Variants in LARS1 observed in about 807,000 individuals in gnomAD.
LARS1 encodes leucine--tRNA ligase, cytoplasmic.
A neutral mutation model predicts 162.8 loss-of-function variants in LARS1; 100 were observed. The ratio of observed to expected loss-of-function variants is 0.61; its 90% CI spans 0.52 to 0.73. The LOEUF is 0.73. Ranked by LOEUF, LARS1 falls within the 30% of genes least tolerant of loss-of-function variation. The pLI, the probability that LARS1 is intolerant of heterozygous loss-of-function variation, is 0.00. For missense variants in LARS1, 1,258 were observed against 1,408.9 expected (o/e 0.89, Z 1.71); for synonymous variants, 457 against 462.8 (o/e 0.99, Z 0.16).
At chr5:146,114,909 T>C (rs1764132357) in intron 31 of LARS1, among the ~76,000 whole-genome samples, 1 of 151,692 alleles carries the variant, frequency 6.6e-6, no homozygotes, top group South Asian at 2.1e-4. Context: ...CCGGGCATGG[T>C]GGTGCATGCC....
chr5:146,136,562 C>T (rs1009362112), intron 21 of LARS1, among the ~76,000 whole-genome samples: 2 of 151,178 alleles, frequency 1.3e-5, no homozygotes, highest in African/African-American at 2.4e-5. Flanking sequence ...CTCAGTGCAA[C>T]CTCCGCCTCC....
rs1211194759 is a variant in LARS1, at chr5:146,153,233, G to C, written c.1231-6C>G. ...CCATATTTTGCTCGTAAGGCCTACA[G>C]AAAAATTTGCAAGTTAACACTAATG... On this transcript the variant is annotated splice_region_variant and splice_polypyrimidine_tract_variant and intron_variant, in intron 12 of 31. Coordinates refer to ENST00000394434, the MANE Select transcript of LARS1 (RefSeq NM_020117.11). 6.2e-7 allele frequency: 1 copy of C among 1,610,580 alleles called. No homozygotes were observed. The highest frequency in any genetic ancestry group is 8.5e-7 in the Non-Finnish European group (1 of 1,177,512).
intron 22 of LARS1, among the ~76,000 whole-genome samples, chr5:146,133,355 ATCTTT>A (rs1752371165): frequency 6.6e-6 from 1 of 152,208 alleles, no homozygotes; most frequent in Non-Finnish European, 1.5e-5. Context: ...AGATAAAGTG[ATCTTT>A]AATGAGGCAG....
At chr5:146,147,066 A>T (rs1753043198) in intron 15 of LARS1, among the ~76,000 whole-genome samples, 1 of 152,040 alleles carries the variant, frequency 6.6e-6, no homozygotes. Flanking sequence ...AAATCTAACA[A>T]ACCCAAAAGC....
At chr5:146,127,391 T>C (rs764656915) in intron 27 of LARS1, among the ~76,000 whole-genome samples, 7 of 152,096 alleles carry the variant, frequency 4.6e-5, no homozygotes, top group Admixed American at 6.6e-5. Context: ...AAGAACACTC[T>C]TCGTGATTAT....
chr5:146,182,332 A>C, intron 1 of LARS1, 156 bp downstream of exon 1: 1 of 870,412 alleles, frequency 1.1e-6, no homozygotes, highest in Non-Finnish European at 1.9e-6. Context: ...TGGTTCATAA[A>C]CTAGCAAGAA....
intron 15 of LARS1, 76 bp from the exon 16 acceptor site, chr5:146,144,785 T>TA (rs1487017818): frequency 7.5e-6 from 10 of 1,325,348 alleles, no homozygotes; most frequent in East Asian, 2.4e-5. Context: ...AAAATTACTT[T>TA]AAAAAAATGC....
Position 146,120,475 on chromosome 5 carries a change from G to A in LARS1, c.3221C>T (p.Pro1074Leu), listed in dbSNP as rs752258184. ...EPGVSVSLVN[P>L]QPSNGHFSTK... is the part of the protein sequence containing the mutation. ...TGAGAAGTGGCCATTGGATGGCTGG[G>A]GATTCACCAGAGAAACGGACACACC... Residue 1074 changes from proline (P) to leucine (L), a missense_variant, in exon 31 of 32, where the codon CCC becomes CTC. Transcript: ENST00000394434. The A allele has an allele frequency of 1.2e-6, 2 of 1,612,444 alleles. No individual in the cohort carries two copies. The highest frequency in any genetic ancestry group is 2.2e-5 in the East Asian group (1 of 44,808).
At chr5:146,114,880 C>A (rs1312196610) in intron 31 of LARS1, among the ~76,000 whole-genome samples, 1 of 151,790 alleles carries the variant, frequency 6.6e-6, no homozygotes, top group East Asian at 1.9e-4. Flanking sequence ...CCCATCTCTA[C>A]TAAAATACAA....
chr5:146,121,375 C>T (rs1337605816), intron 30 of LARS1, among the ~76,000 whole-genome samples: 1 of 152,124 alleles, frequency 6.6e-6, no homozygotes. Context: ...TTGCCAAATG[C>T]TGCCAATCTG....
At chr5:146,120,570 C>T (rs565405167) in intron 30 of LARS1, 67 bp from the exon 31 acceptor site, 344 of 1,455,466 alleles carry the variant, frequency 2.4e-4, no homozygotes, top group Non-Finnish European at 3.1e-4. Context: ...ATCTCTGCTA[C>T]GTTTTCAATG....
Position 146,135,679 on chromosome 5 carries a change from C to A in LARS1, c.2149-15G>T. 1 of 1,574,852 alleles carries A rather than the reference C, an allele frequency of 6.3e-7. No homozygotes were observed. The highest frequency in any genetic ancestry group is 1.2e-5 in the South Asian group (1 of 84,608). ...GATTTTGACATCTGAAATAGAGAGT[C>A]AGTGATCAATCATTAATAACAGTAA... On this transcript the variant is annotated splice_polypyrimidine_tract_variant and intron_variant, in intron 21 of 31. Coordinates refer to ENST00000394434, the MANE Select transcript of LARS1 (RefSeq NM_020117.11).
intron 31 of LARS1, among the ~76,000 whole-genome samples, chr5:146,118,565 G>T (rs185594177): frequency 6.6e-6 from 1 of 152,290 alleles, no homozygotes; most frequent in East Asian, 1.9e-4. Flanking sequence ...TGATGGATAT[G>T]TTAATTATCC....
At position 146,174,523 on chromosome 5, in the gene LARS1, TATATATATATATATCC is replaced by T. The variant is rs1754444744; in HGVS notation, c.126-1765_126-1750del. On this transcript the variant is annotated intron_variant, in intron 2 of 31. Transcript: ENST00000394434. ...ATCCATATATATATATATATATCCA[TATATATATATATATCC>T]ATATATGTATATATCCATATATATA... Among the ~76,000 whole-genome samples the T allele has an allele frequency of 1.4e-4, 2 of 14,758 alleles. 1 individual carries two copies. 9.7% of individuals were successfully genotyped at this position (14,758 alleles called of 152,430 possible).
At chr5:146,178,766 C>T (rs6882243) in intron 1 of LARS1, among the ~76,000 whole-genome samples, 9,314 of 152,170 alleles carry the variant, frequency 0.061, 330 homozygotes, top group Non-Finnish European at 0.069. Context: ...AGACTATCAA[C>T]GCCACTGCCC....
At chr5:146,131,157 A>C in intron 23 of LARS1, 48 bp from the exon 24 acceptor site, 3 of 888,592 alleles carry the variant, frequency 3.4e-6, no homozygotes, top group Non-Finnish European at 5.1e-6. Flanking sequence ...AGGCACTTAT[A>C]CATAGCTATA....
chr5:146,139,364 AAAG>A (rs1752659951), intron 21 of LARS1, among the ~76,000 whole-genome samples: 1 of 89,858 alleles, frequency 1.1e-5, no homozygotes, highest in Non-Finnish European at 2.5e-5. Context: ...AAAAAAAGAA[AAAG>A]AAAAAAAAAG....
At position 146,149,667 on chromosome 5, in the gene LARS1, C is replaced by A; in HGVS notation, c.1458G>T (p.Lys486Asn). ...GAATAGTCTTCTTTACATCTTGAAC[C>A]TTCTGTCCTTTAAATCCATCCACCA... is the stretch of plus-strand genomic sequence containing the variant. The part of the protein sequence containing the change: ...IMLVDGFKGQ[K>N]VQDVKKTIQK... The change falls in exon 15 of 32, where the codon AAG (lysine) becomes AAT (asparagine). Residue 486 changes from lysine to asparagine, a missense_variant. Lys to Asn is a moderately conservative substitution (Grantham distance 94). Transcript: ENST00000394434. The A allele has an allele frequency of 6.2e-7, 1 of 1,612,900 alleles. No homozygotes were observed.
intron 12 of LARS1, 68 bp from the exon 13 acceptor site, chr5:146,153,295 A>C (rs905457194): frequency 8.8e-7 from 1 of 1,130,948 alleles, no homozygotes; most frequent in Non-Finnish European, 1.3e-6. Context: ...GAGAGAAGCA[A>C]TCTCCAAAGT....
Sources: gnomAD v4.1 joint callset for allele counts (sites outside exome capture counted in the v4.1 genomes callset) on GRCh38, gnomAD v4.1.1 for gene constraint, MANE v1.5 for transcripts, NCBI Gene and HGNC (gene_info 2026-07-23, HGNC 2026-07-21) for gene names.